Variants in RPS6KC1 observed in about 807,000 individuals in gnomAD.
The protein encoded by RPS6KC1 is ribosomal protein S6 kinase C1.
In RPS6KC1, 54 loss-of-function variants were observed where a neutral mutation model predicts 103.8. The ratio of observed to expected loss-of-function variants is 0.52; its 90% CI spans 0.42 to 0.65. The LOEUF is 0.65. RPS6KC1 is among the 30% of genes least tolerant of loss of function. RPS6KC1 has a pLI of 0.00. For synonymous variants in RPS6KC1, 439 were observed against 438.7 expected, an observed-to-expected ratio of 1.00 and a Z score of -0.01; for missense variants, 1,151 against 1,253.8, an observed-to-expected ratio of 0.92 and a Z score of 1.24.
At chr1:213,149,571 T>A (rs2088372681) in intron 6 of RPS6KC1, among the ~76,000 whole-genome samples, 2 of 152,358 alleles carry the variant, frequency 1.3e-5, no homozygotes, top group South Asian at 4.1e-4. Flanking sequence ...TGACATATGG[T>A]CTGTCCTTGG....
At chr1:213,059,813 C>T (rs1429759135) in intron 1 of RPS6KC1, among the ~76,000 whole-genome samples, 37 of 152,154 alleles carry the variant, frequency 2.4e-4, no homozygotes, top group Admixed American at 2.4e-3. Flanking sequence ...GGTGAGACTA[C>T]AGGCACCCGC....
At chr1:213,670,941 A>G in the RPS6KC1 span, among the ~76,000 whole-genome samples, 6 of 151,930 alleles carry the variant, frequency 3.9e-5, no homozygotes, top group Non-Finnish European at 7.4e-5. Flanking sequence ...ATTCCCTCTC[A>G]GGGGTTTGGT....
the RPS6KC1 span, among the ~76,000 whole-genome samples, chr1:213,592,261 T>A: frequency 1.3e-5 from 2 of 152,206 alleles, no homozygotes; most frequent in African/African-American, 4.8e-5. Flanking sequence ...TAGCTGCTTT[T>A]TTTGTCAAAG....
chr1:213,550,728 C>G, the RPS6KC1 span, among the ~76,000 whole-genome samples: 1 of 152,176 alleles, frequency 6.6e-6, no homozygotes, highest in Non-Finnish European at 1.5e-5. Context: ...AATCTCATGA[C>G]TTTCCAAAAT....
chr1:213,300,373 AAG>A, the RPS6KC1 span, among the ~76,000 whole-genome samples: 5 of 152,198 alleles, frequency 3.3e-5, no homozygotes, highest in African/African-American at 1.2e-4. Context: ...TTCAAGGGCA[AAG>A]AGGGTAAACT....
At chr1:213,736,241 A>T in the RPS6KC1 span, among the ~76,000 whole-genome samples, 2 of 152,202 alleles carry the variant, frequency 1.3e-5, no homozygotes. Flanking sequence ...ACAACTTAAC[A>T]GGGTCCTCTA....
At chr1:213,428,400 CA>C in the RPS6KC1 span, among the ~76,000 whole-genome samples, 5 of 134,672 alleles carry the variant, frequency 3.7e-5, no homozygotes, top group African/African-American at 8.1e-5. Context: ...CCTCTCTCTC[CA>C]CCTCCCTCCC....
chr1:213,295,880 A>G, the RPS6KC1 span, among the ~76,000 whole-genome samples: 140 of 152,334 alleles, frequency 9.2e-4, 1 homozygote, highest in South Asian at 6.2e-3. Context: ...AGGAAGGCCA[A>G]TGTGCAATTC....
the RPS6KC1 span, among the ~76,000 whole-genome samples, chr1:213,630,801 A>C: frequency 2.0e-5 from 3 of 151,528 alleles, no homozygotes; most frequent in Non-Finnish European, 2.9e-5. Context: ...AACAGTAAGG[A>C]CCCTCAGCTG....
At chr1:213,464,559 T>C in the RPS6KC1 span, among the ~76,000 whole-genome samples, 10 of 152,282 alleles carry the variant, frequency 6.6e-5, no homozygotes, top group African/African-American at 2.2e-4. Context: ...ATATTATCTT[T>C]CATTAGTTTC....
At chr1:213,279,339 A>G (rs116782275), downstream of RPS6KC1, among the ~76,000 whole-genome samples, 2,670 of 152,264 alleles carry the variant, frequency 0.018, 38 homozygotes, top group Middle Eastern at 0.041. Context: ...GAGTGTTCCT[A>G]TCAAATAATT....
chr1:213,118,026 A>AAAAAAAAAAAAAAAAG (rs1188537190), intron 5 of RPS6KC1, among the ~76,000 whole-genome samples: 1 of 146,680 alleles, frequency 6.8e-6, no homozygotes, highest in African/African-American at 2.5e-5. Context: ...TGTCTCAAAA[A>AAAAAAAAAAAAAAAAG]AAAAAAAAAA....
the RPS6KC1 span, among the ~76,000 whole-genome samples, chr1:213,596,751 T>C: frequency 6.6e-6 from 1 of 152,244 alleles, no homozygotes; most frequent in Admixed American, 6.5e-5. Context: ...ATAACTTTCA[T>C]TTTCTTGGCT....
chr1:213,230,725 C>T (rs1403906206), intron 9 of RPS6KC1, among the ~76,000 whole-genome samples, 181 bp downstream of exon 9: 1 of 151,272 alleles, frequency 6.6e-6, no homozygotes, highest in African/African-American at 2.4e-5. Flanking sequence ...ATCCCAGCTA[C>T]CCGGGAGACT....
intron 7 of RPS6KC1, among the ~76,000 whole-genome samples, chr1:213,172,876 C>T (rs768854040): frequency 6.6e-6 from 1 of 152,180 alleles, no homozygotes; most frequent in Non-Finnish European, 1.5e-5. Flanking sequence ...GCTATAATTG[C>T]TAATAAATGT....
the RPS6KC1 span, among the ~76,000 whole-genome samples, chr1:213,403,768 G>T: frequency 6.6e-6 from 1 of 152,144 alleles, no homozygotes; most frequent in African/African-American, 2.4e-5. Flanking sequence ...TTATCTGGGG[G>T]AAAAGGGGTA....
the RPS6KC1 span, among the ~76,000 whole-genome samples, chr1:213,317,622 A>G: frequency 6.6e-6 from 1 of 152,328 alleles, no homozygotes; most frequent in Admixed American, 6.5e-5. Flanking sequence ...GGACAAAAAC[A>G]TTCAGCCTAT....
At chr1:213,704,976 GTC>G in the RPS6KC1 span, among the ~76,000 whole-genome samples, 1 of 152,206 alleles carries the variant, frequency 6.6e-6, no homozygotes, top group African/African-American at 2.4e-5. Context: ...AACAAATGGA[GTC>G]TCTCTCTCTT....
the RPS6KC1 span, among the ~76,000 whole-genome samples, chr1:213,681,015 G>C: frequency 6.6e-6 from 1 of 152,230 alleles, no homozygotes; most frequent in Admixed American, 6.5e-5. Context: ...ATAGTGCACA[G>C]ACAGACAGAC....
Sources: allele counts gnomAD v4.1 joint callset (sites outside exome capture counted in the v4.1 genomes callset), GRCh38; gene constraint gnomAD v4.1.1; transcripts MANE v1.5; gene names NCBI Gene and HGNC (gene_info 2026-07-23, HGNC 2026-07-21).